The following KCNH7 variants were observed in gnomAD, a reference collection of about 807,000 sequenced individuals.
KCNH7 encodes potassium voltage-gated channel subfamily H member 7, also known as voltage-gated inwardly rectifying potassium channel KCNH7.
Under a neutral mutation model 120.8 loss-of-function variants are expected in KCNH7, and 49 were observed. That is an observed-to-expected ratio of 0.41 (90% CI 0.32 to 0.51). KCNH7 has a LOEUF of 0.51. Ranked by LOEUF, KCNH7 falls within the 20% of genes least tolerant of loss-of-function variation. The pLI is 0.38. For missense variants in KCNH7, 1,097 were observed against 1,446.6 expected (o/e 0.76, Z 3.92); for synonymous variants, 547 against 516.1 (o/e 1.06, Z -0.81).
intron 2 of KCNH7, among the ~76,000 whole-genome samples, chr2:162,609,154 G>A (rs547719733): frequency 3.3e-5 from 5 of 152,204 alleles, no homozygotes; most frequent in African/African-American, 1.2e-4. Flanking sequence ...ATGTGGTTGG[G>A]TGCTTTTCCT....
At chr2:162,715,244 T>C (rs886153150) in intron 2 of KCNH7, among the ~76,000 whole-genome samples, 5 of 152,014 alleles carry the variant, frequency 3.3e-5, no homozygotes, top group Admixed American at 2.0e-4. Context: ...GAAAGTGAAG[T>C]GGGAATAGGC....
chr2:162,799,903 T>C (rs993893241), intron 2 of KCNH7, among the ~76,000 whole-genome samples: 2 of 151,680 alleles, frequency 1.3e-5, no homozygotes, highest in South Asian at 4.1e-4. Flanking sequence ...CTTATGGAAG[T>C]GTAAGAAAGG....
chr2:162,473,707 T>C lies in KCNH7; in HGVS notation c.1129-27264A>G, dbSNP rs1326762675. Among the ~76,000 whole-genome samples the C allele has an allele frequency of 2.0e-5, 3 of 152,224 alleles. No individual in the cohort carries two copies. In the East Asian group the frequency reaches 5.8e-4, roughly 29 times the overall value. On this transcript the variant is annotated intron_variant, in intron 6 of 15. Transcript: ENST00000332142. ...ATAAAAGACTCCTTAGAAGAGGTCA[T>C]ATTCTAATAGGGACCATAGAGAAAT...
At chr2:162,782,843 G>T (rs895963549) in intron 2 of KCNH7, among the ~76,000 whole-genome samples, 7 of 152,130 alleles carry the variant, frequency 4.6e-5, no homozygotes, top group Admixed American at 3.9e-4. Flanking sequence ...TGGTTAAGCT[G>T]GAAATCATGT....
chr2:162,610,026 G>A (rs865867729), intron 2 of KCNH7, among the ~76,000 whole-genome samples: 3 of 152,296 alleles, frequency 2.0e-5, no homozygotes, highest in Middle Eastern at 3.4e-3. Flanking sequence ...CTTACTGTGT[G>A]TCTCTTTCTC....
At chr2:162,535,770 T>C (rs11683182) in intron 3 of KCNH7, among the ~76,000 whole-genome samples, 5 of 151,760 alleles carry the variant, frequency 3.3e-5, no homozygotes, top group African/African-American at 4.8e-5. Context: ...GGGATCATGG[T>C]ATATTAGTTA....
At chr2:162,765,734 A>T (rs1682775894) in intron 2 of KCNH7, among the ~76,000 whole-genome samples, 1 of 152,184 alleles carries the variant, frequency 6.6e-6, no homozygotes, top group Non-Finnish European at 1.5e-5. Context: ...CTTCACCTTG[A>T]TGACAAAATT....
chr2:162,795,168 T>C (rs1427364336), intron 2 of KCNH7, among the ~76,000 whole-genome samples: 1 of 152,084 alleles, frequency 6.6e-6, no homozygotes, highest in Non-Finnish European at 1.5e-5. Context: ...TTGTGTATTG[T>C]CAATGATTTA....
chr2:162,674,562 A>T lies in KCNH7; in HGVS notation c.308-137482T>A, dbSNP rs1459305567. On this transcript the variant is annotated intron_variant, in intron 2 of 15. Coordinates refer to ENST00000332142, the MANE Select transcript of KCNH7 (RefSeq NM_033272.4). ...TGAACACTGATTTTAAAAAAGAATA[A>T]ATTTAGGGGATCTATCCAAGAGATA... is the stretch of plus-strand genomic sequence containing the variant. Among the ~76,000 whole-genome samples, 4 of 151,836 alleles carry T rather than the reference A, an allele frequency of 2.6e-5. No homozygotes were observed. In the East Asian group the frequency reaches 7.7e-4, roughly 29 times the overall value.
chr2:162,449,958 A>G (rs931146494), intron 6 of KCNH7, among the ~76,000 whole-genome samples: 3 of 152,116 alleles, frequency 2.0e-5, no homozygotes, highest in Non-Finnish European at 4.4e-5. Context: ...CTGTAGATCA[A>G]AAATGATTGA....
chr2:162,411,156 T>C (rs949155238), intron 9 of KCNH7, among the ~76,000 whole-genome samples: 3 of 152,152 alleles, frequency 2.0e-5, no homozygotes, highest in African/African-American at 7.2e-5. Flanking sequence ...TGCACTTGTA[T>C]GTTTATTGCA....
chr2:162,784,993 A>G (rs1683644888), intron 2 of KCNH7: 1 of 152,206 alleles, frequency 6.6e-6, no homozygotes, highest in Non-Finnish European at 1.5e-5. Flanking sequence ...ACCTCCACAG[A>G]AATTATGACC....
rs373577818 is a variant in KCNH7 at position 162,400,809 on chromosome 2, A to C, written c.2155-368T>G. Among the ~76,000 whole-genome samples the C allele has an allele frequency of 1.8e-4, 27 of 152,042 alleles. No homozygotes were observed. In the South Asian group the frequency reaches 4.3e-3, roughly 24 times the overall value. On this transcript the variant is annotated intron_variant, in intron 9 of 15. Coordinates refer to ENST00000332142, the MANE Select transcript of KCNH7 (RefSeq NM_033272.4). ...AGACGTAACTAATGAAAGGTGGTAC[A>C]ACTAGAAAGACAATCAACCTTTTGA...
At chr2:162,768,206 A>G (rs1682896968) in intron 2 of KCNH7, among the ~76,000 whole-genome samples, 1 of 152,216 alleles carries the variant, frequency 6.6e-6, no homozygotes, top group South Asian at 2.1e-4. Flanking sequence ...AGTACAAGCA[A>G]TTAGTAAATT....
intron 2 of KCNH7, among the ~76,000 whole-genome samples, chr2:162,655,733 C>T (rs1435928509): frequency 1.3e-5 from 2 of 152,250 alleles, no homozygotes; most frequent in East Asian, 1.9e-4. Context: ...GCGGAGGTTG[C>T]AGTGAGCCGA....
chr2:162,412,083 G>A (rs1206876683), intron 9 of KCNH7, among the ~76,000 whole-genome samples: 4 of 151,868 alleles, frequency 2.6e-5, no homozygotes, highest in Non-Finnish European at 5.9e-5. Flanking sequence ...CTTGGTTACA[G>A]AGAAAACAAA....
intron 2 of KCNH7, among the ~76,000 whole-genome samples, chr2:162,761,509 T>G (rs1296507140): frequency 1.3e-5 from 2 of 152,106 alleles, no homozygotes; most frequent in Non-Finnish European, 2.9e-5. Context: ...TCAAAATATC[T>G]GATTCGATTA....
chr2:162,459,483 G>A (rs2105599975), intron 6 of KCNH7, among the ~76,000 whole-genome samples: 2 of 152,198 alleles, frequency 1.3e-5, no homozygotes, highest in East Asian at 1.9e-4. Context: ...ATCAGGTATG[G>A]CCATGGGTCT....
chr2:162,739,197 C>G (rs1688026902), intron 2 of KCNH7, among the ~76,000 whole-genome samples: 1 of 152,092 alleles, frequency 6.6e-6, no homozygotes, highest in African/African-American at 2.4e-5. Context: ...CTCAAAACCT[C>G]CCTTGTATGC....
Sources: allele counts gnomAD v4.1 joint callset (sites outside exome capture counted in the v4.1 genomes callset), GRCh38; gene constraint gnomAD v4.1.1; transcripts MANE v1.5; gene names NCBI Gene and HGNC (gene_info 2026-07-23, HGNC 2026-07-21).